ABCD3: variants seen among roughly 807,000 people sequenced by gnomAD.
The protein encoded by ABCD3 is ATP binding cassette subfamily D member 3.
In ABCD3, 41 loss-of-function variants were observed where a neutral mutation model predicts 105.5. The ratio of observed to expected loss-of-function variants is 0.39; its 90% confidence interval spans 0.30 to 0.50. The LOEUF is 0.50. ABCD3 is among the 20% of genes least tolerant of loss of function. The pLI, the probability that ABCD3 is intolerant of heterozygous loss-of-function variation, is 0.84. For synonymous variants in ABCD3, 258 were observed against 269.0 expected (o/e 0.96, Z 0.40); for missense variants, 622 against 806.3 (o/e 0.77, Z 2.77).
At chr1:94,500,557 C>G (rs941297103) in intron 20 of ABCD3, among the ~76,000 whole-genome samples, 9 of 152,140 alleles carry the variant, frequency 5.9e-5, no homozygotes, top group African/African-American at 2.2e-4. Flanking sequence ...TTGAATAGAT[C>G]CAAGCAAGAG....
chr1:94,496,769 A>ATT (rs34336196), intron 16 of ABCD3, among the ~76,000 whole-genome samples: 1 of 109,220 alleles, frequency 9.2e-6, no homozygotes, highest in Non-Finnish European at 1.8e-5. Context: ...GTACCAGCAA[A>ATT]TTTTTTTTTT....
intron 19 of ABCD3, 111 bp downstream of exon 19, chr1:94,499,145 AAAGCT>A: frequency 7.8e-6 from 8 of 1,021,014 alleles, no homozygotes; most frequent in Non-Finnish European, 1.2e-5. Flanking sequence ...AAAGCCTTCC[AAAGCT>A]GTAAATTGTG....
chr1:94,397,675 C>T, the ABCD3 span, among the ~76,000 whole-genome samples: 4 of 152,118 alleles, frequency 2.6e-5, no homozygotes, highest in Admixed American at 2.0e-4. Flanking sequence ...GGTTTCTCTA[C>T]TATAAAATTA....
intron 16 of ABCD3, among the ~76,000 whole-genome samples, chr1:94,494,850 G>A (rs1649719407): frequency 6.6e-6 from 1 of 152,128 alleles, no homozygotes; most frequent in African/African-American, 2.4e-5. Context: ...TGTCCAAGGT[G>A]GGCGGATTGC....
chr1:94,444,121 C>A (rs1339834191), intron 1 of ABCD3, among the ~76,000 whole-genome samples: 1 of 151,878 alleles, frequency 6.6e-6, no homozygotes, highest in Admixed American at 6.6e-5. Context: ...ACCATGAGGT[C>A]AAGAGATCAA....
chr1:94,496,868 A>G (rs1246831963), intron 16 of ABCD3, among the ~76,000 whole-genome samples: 1 of 151,196 alleles, frequency 6.6e-6, no homozygotes, highest in Non-Finnish European at 1.5e-5. Flanking sequence ...CTCGGGTTCA[A>G]GCAATTCTCA....
chr1:94,448,839 G>GA (rs1360226596), intron 1 of ABCD3, among the ~76,000 whole-genome samples: 3 of 152,190 alleles, frequency 2.0e-5, no homozygotes, highest in African/African-American at 4.8e-5. Context: ...AGCCATAGTG[G>GA]AAAAAATGAA....
intron 21 of ABCD3, 40 bp from the exon 22 acceptor site, chr1:94,515,106 T>C: frequency 6.8e-7 from 1 of 1,480,744 alleles, no homozygotes; most frequent in Non-Finnish European, 9.4e-7. Flanking sequence ...AATTTGTGAC[T>C]CTGTTACTCA....
chr1:94,413,985 A>T (rs959656491), upstream of ABCD3, among the ~76,000 whole-genome samples: 1 of 152,180 alleles, frequency 6.6e-6, no homozygotes, highest in Non-Finnish European at 1.5e-5. Context: ...GTTGAACGTG[A>T]GGATGTTAGG....
intron 1 of ABCD3, among the ~76,000 whole-genome samples, chr1:94,444,906 C>A (rs537083257): frequency 6.6e-6 from 1 of 152,310 alleles, no homozygotes; most frequent in East Asian, 1.9e-4. Flanking sequence ...CTGAAGGTTG[C>A]AGGTTTACCG....
At chr1:94,507,142 T>A (rs150705707) in intron 21 of ABCD3, among the ~76,000 whole-genome samples, 1 of 150,502 alleles carries the variant, frequency 6.6e-6, no homozygotes, top group South Asian at 2.1e-4. Context: ...CCTCCCCCCT[T>A]CCCCCACCCC....
intron 10 of ABCD3, among the ~76,000 whole-genome samples, chr1:94,484,142 G>GA (rs1649166982): frequency 1.3e-5 from 2 of 151,856 alleles, no homozygotes; most frequent in Non-Finnish European, 2.9e-5. Flanking sequence ...AGGAAACAAC[G>GA]TGCTGGAGAG....
At position 94,487,976 on chromosome 1, in the gene ABCD3, T is replaced by G. The variant is rs1649350583; in HGVS notation, c.1150T>G (p.Leu384Val). The change falls in exon 13 of 23, where the codon TTG becomes GTG. Residue 384 changes from leucine to valine, a missense_variant. Physicochemically the swap from Leu to Val is conservative, Grantham distance 32. Around this residue, in one of 4 missense-constraint regions of ABCD3, gnomAD observed 285 missense variants for 352.5 expected, o/e 0.81. Coordinates refer to ENST00000370214, the MANE Select transcript of ABCD3 (RefSeq NM_002858.4). ...IVLAGREMTR[L>V]AGFTARITEL... ...TTTGGCTGGGCGTGAAATGACTAGA[T>G]TGGCCGGGTAAGATTAGTAATAATG... 1 of 1,612,362 alleles carries G rather than the reference T, an allele frequency of 6.2e-7. No homozygotes were observed. The highest frequency in any genetic ancestry group is 1.3e-5 in the African/African-American group (1 of 74,904).
At chr1:94,457,705 C>T (rs537160323) in intron 1 of ABCD3, among the ~76,000 whole-genome samples, 1 of 152,244 alleles carries the variant, frequency 6.6e-6, no homozygotes, top group East Asian at 1.9e-4. Context: ...TTCAGCCCAT[C>T]AGAGAGCACT....
At chr1:94,473,899 G>A in intron 5 of ABCD3, 64 bp downstream of exon 5, 1 of 1,293,508 alleles carries the variant, frequency 7.7e-7, no homozygotes, top group Non-Finnish European at 1.1e-6. Context: ...AAATCTTTAA[G>A]GGTTTTACTT....
intron 2 of ABCD3, among the ~76,000 whole-genome samples, chr1:94,463,499 T>A (rs896695424): frequency 1.7e-4 from 26 of 152,334 alleles, no homozygotes; most frequent in African/African-American, 5.8e-4. Context: ...CTAATAGCGT[T>A]ACTCTACTAA....
intron 1 of ABCD3, among the ~76,000 whole-genome samples, chr1:94,443,279 G>A (rs1410754810): frequency 5.3e-5 from 8 of 152,072 alleles, no homozygotes; most frequent in Non-Finnish European, 1.2e-4. Flanking sequence ...AAAAATGTCT[G>A]TTCATGTTGT....
rs753126650 is a variant in ABCD3 at position 94,498,770 on chromosome 1, C to T, written c.1465-13C>T. ...TTTTACAATTGTTCTTCTCCCTTCT[C>T]TCTCTTTAATAGTTATGGCCTCTTT... On this transcript the variant is annotated splice_polypyrimidine_tract_variant and intron_variant, in intron 17 of 22. Coordinates refer to ENST00000370214, the MANE Select transcript of ABCD3 (RefSeq NM_002858.4). 15 of 1,613,728 alleles carry T rather than the reference C, an allele frequency of 9.3e-6. No homozygotes were observed. The highest frequency in any genetic ancestry group is 1.3e-5 in the Non-Finnish European group (15 of 1,179,784).
intron 2 of ABCD3, 37 bp from the exon 3 acceptor site, chr1:94,464,738 A>T: frequency 6.6e-7 from 1 of 1,510,222 alleles, no homozygotes; most frequent in Non-Finnish European, 9.2e-7. Flanking sequence ...TATGTTTGTT[A>T]TAGCTATCTT....
Sources: allele counts gnomAD v4.1 joint callset (sites outside exome capture counted in the v4.1 genomes callset), GRCh38; gene constraint gnomAD v4.1.1; regional missense constraint gnomAD v4.1.1; transcripts MANE v1.5; gene names NCBI Gene and HGNC (gene_info 2026-07-23, HGNC 2026-07-21).